TOR1AIP1: variants seen among roughly 807,000 people sequenced by gnomAD.
The protein encoded by TOR1AIP1 is torsin-1A-interacting protein 1.
In TOR1AIP1, 54 loss-of-function variants were observed where a neutral mutation model predicts 63.3. The observed-to-expected ratio is 0.85, with a 90% CI of 0.69 to 1.07. TOR1AIP1 has a LOEUF of 1.07. TOR1AIP1 is among the 50% of genes least tolerant of loss of function. The pLI is 0.00. For synonymous variants in TOR1AIP1, 294 were observed against 273.5 expected (o/e 1.07, Z -0.74); for missense variants, 736 against 715.0 (o/e 1.03, Z -0.33).
chr1:179,916,105 T>C (rs1477391749), intron 9 of TOR1AIP1, among the ~76,000 whole-genome samples: 2 of 152,214 alleles, frequency 1.3e-5, no homozygotes, highest in Non-Finnish European at 2.9e-5. Context: ...AACTGCTTCA[T>C]AAAGGACATT....
rs1257626470 is a variant in TOR1AIP1 at position 179,919,608 on chromosome 1, C to CA, written c.*1372dup. On this transcript the variant is annotated 3_prime_UTR_variant, in exon 10 of 10. Transcript: ENST00000606911. ...TCTATAATTGAGCTTTCTCATCTGT[C>CA]AAATGCTATGGTTTTCTTAAAATGT... is the stretch of plus-strand genomic sequence containing the variant. The CA allele has an allele frequency of 6.6e-6, 1 of 152,200 alleles. No individual in the cohort carries two copies. Among genetic ancestry groups the CA allele is most frequent in the Non-Finnish European group, 1.5e-5 (1 of 68,032 alleles). The allele number at this position is 152,200 out of a possible 1,614,324, so 9.4% of individuals were successfully genotyped here.
At chr1:179,895,657 C>G (rs984245689) in intron 3 of TOR1AIP1, among the ~76,000 whole-genome samples, 1 of 152,038 alleles carries the variant, frequency 6.6e-6, no homozygotes, top group Admixed American at 6.6e-5. Context: ...CCCAGCACTT[C>G]GGGAGGCCGA....
rs1649075704 is a variant in TOR1AIP1, at chr1:179,917,958, ATCT to A, written c.1475_1477del (p.Phe492del). On this transcript the variant is annotated inframe_deletion, in exon 10 of 10. Coordinates refer to ENST00000606911, the MANE Select transcript of TOR1AIP1 (RefSeq NM_015602.4). ...GTCATTTCCCGCAGGCTCTACTTTG[ATCT>A]TCTACAAATATTGTGACCATGAAAA... The A allele has an allele frequency of 6.2e-6, 10 of 1,614,090 alleles. No homozygotes were observed. Among genetic ancestry groups the A allele is most frequent in the South Asian group, 1.1e-5 (1 of 91,092 alleles).
chr1:179,913,717 A>G, intron 8 of TOR1AIP1: 2 of 700,256 alleles, frequency 2.9e-6, no homozygotes, highest in Non-Finnish European at 5.2e-6. Flanking sequence ...TAGATACTTA[A>G]TGGGTCAAAT....
chr1:179,914,813 A>G (rs1221832602), intron 9 of TOR1AIP1, among the ~76,000 whole-genome samples: 1 of 152,022 alleles, frequency 6.6e-6, no homozygotes, highest in Non-Finnish European at 1.5e-5. Flanking sequence ...AAAAAAGAAA[A>G]TAGATTAATG....
At chr1:179,913,949 A>G in intron 8 of TOR1AIP1, 49 bp from the exon 9 acceptor site, 1 of 1,522,378 alleles carries the variant, frequency 6.6e-7, no homozygotes, top group East Asian at 2.3e-5. Flanking sequence ...TAAATACTCA[A>G]ATTATGAAGC....
intron 3 of TOR1AIP1, among the ~76,000 whole-genome samples, chr1:179,894,577 A>G (rs1027353500): frequency 2.6e-5 from 4 of 152,104 alleles, no homozygotes; most frequent in Non-Finnish European, 4.4e-5. Context: ...AATCCCAGCC[A>G]CTTGGGAGGC....
chr1:179,897,163 C>A (rs768071403), intron 3 of TOR1AIP1, among the ~76,000 whole-genome samples: 2 of 152,056 alleles, frequency 1.3e-5, no homozygotes, highest in Non-Finnish European at 2.9e-5. Context: ...GATCTTTAGT[C>A]ACTAGATTAA....
rs549455100 is a variant in TOR1AIP1 at position 179,896,109 on chromosome 1, A to C, written c.611-4017A>C. On this transcript the variant is annotated intron_variant, in intron 3 of 9. Transcript: ENST00000606911. ...TCCATTCTTTGCAGCTTGGGTAAAAAGGTGGAATGTTTAAAACCTTGCAGG... is the reference window on the plus strand; with the variant it reads ...TCCATTCTTTGCAGCTTGGGTAAAACGGTGGAATGTTTAAAACCTTGCAGG... 7.2e-5 allele frequency among the ~76,000 whole-genome samples: 11 copies of C among 152,270 alleles called. No individual in the cohort carries two copies. The South Asian group carries it at 2.3e-3, about 32-fold the overall frequency.
intron 8 of TOR1AIP1, chr1:179,913,518 A>G: frequency 1.4e-6 from 1 of 694,096 alleles, no homozygotes; most frequent in Non-Finnish European, 2.6e-6. Context: ...TTTATATTAA[A>G]ACACCTTATC....
intron 3 of TOR1AIP1, among the ~76,000 whole-genome samples, chr1:179,897,857 G>A (rs1418869166): frequency 1.3e-5 from 2 of 152,112 alleles, no homozygotes; most frequent in African/African-American, 2.4e-5. Flanking sequence ...CAGCACTTTG[G>A]GAGGCTGAGG....
chr1:179,882,511 C>T lies in TOR1AIP1; in HGVS notation c.9C>T (p.Gly3=). Residue 3 remains glycine (G), a synonymous_variant, in exon 1 of 10, where the codon GGC becomes GGT. Transcript: ENST00000606911. MA[G]DGRRAEAVRE... ...AAGCTACGTCAACAACTATGGCGGG[C>T]GACGGGCGGCGGGCAGAGGCGGTGC... The T allele has an allele frequency of 1.4e-6, 2 of 1,452,222 alleles. No individual in the cohort carries two copies. The highest frequency in any genetic ancestry group is 1.8e-6 in the Non-Finnish European group (2 of 1,102,438). 90.0% of individuals were successfully genotyped at this position (1,452,222 alleles called of 1,614,324 possible).
Position 179,913,986 on chromosome 1 carries a change from T to C in TOR1AIP1, c.908-12T>C. The C allele has an allele frequency of 6.2e-7, 1 of 1,611,468 alleles. No homozygotes were observed. The highest frequency in any genetic ancestry group is 8.5e-7 in the Non-Finnish European group (1 of 1,178,164). ...TAAGTTGATAGTCTTATTTTATTAC[T>C]CTCACCATTAGATGACAGCATTCTG... is the stretch of plus-strand genomic sequence containing the variant. On this transcript the variant is annotated splice_polypyrimidine_tract_variant and intron_variant, in intron 8 of 9. Coordinates refer to ENST00000606911, the MANE Select transcript of TOR1AIP1 (RefSeq NM_015602.4).
At chr1:179,905,324 TGAGCC>T (rs1178596016) in intron 6 of TOR1AIP1, among the ~76,000 whole-genome samples, 2 of 152,066 alleles carry the variant, frequency 1.3e-5, no homozygotes, top group African/African-American at 4.8e-5. Flanking sequence ...GAGCTTGCCG[TGAGCC>T]GAGATTGTGT....
Position 179,918,057 on chromosome 1 carries a change from G to A in TOR1AIP1, c.1570G>A (p.Gly524Ser). 1 of 1,614,172 alleles carries A rather than the reference G, an allele frequency of 6.2e-7. No individual in the cohort carries two copies. The highest frequency in any genetic ancestry group is 8.5e-7 in the Non-Finnish European group (1 of 1,180,034). ...GGAAGAGACACTTGGAACAAGTCTA[G>A]GCCTAAAGGAAGTTGAAGAAAAAGT... ...LEEETLGTSL[G>S]LKEVEEKVRD... Residue 524 changes from glycine to serine, a missense_variant, in exon 10 of 10, where the codon GGC (glycine) becomes AGC (serine). Coordinates refer to ENST00000606911, the MANE Select transcript of TOR1AIP1 (RefSeq NM_015602.4).
intron 3 of TOR1AIP1, 123 bp downstream of exon 3, chr1:179,889,492 T>C (rs1166515803): frequency 4.3e-6 from 3 of 701,606 alleles, no homozygotes; most frequent in Admixed American, 2.9e-5. Context: ...CATTAAAAAA[T>C]CTCCCTGTCC....
chr1:179,882,627 C>G lies in TOR1AIP1; in HGVS notation c.125C>G (p.Ala42Gly). ...CCTCAAAATGGCGGCAGCAGCGATG[C>G]GCCTGCGTACAGAACTCCTCCGTCG... ...LAPQNGGSSD[A>G]PAYRTPPSRQ... The change falls in exon 1 of 10, where the codon GCG becomes GGG. Residue 42 changes from alanine to glycine, a missense_variant. By Grantham distance (60) the Ala-to-Gly change is moderately conservative (BLOSUM62 0). This residue lies in a region of TOR1AIP1 where 464 missense variants were observed against 371.0 expected (regional missense o/e 1.25). Transcript: ENST00000606911. 1 of 1,533,864 alleles carries G rather than the reference C, an allele frequency of 6.5e-7. No individual in the cohort carries two copies. The highest frequency in any genetic ancestry group is 1.3e-5 in the South Asian group (1 of 77,638).
intron 2 of TOR1AIP1, among the ~76,000 whole-genome samples, chr1:179,888,964 A>G (rs1300768776): frequency 6.6e-6 from 1 of 152,218 alleles, no homozygotes; most frequent in Non-Finnish European, 1.5e-5. Flanking sequence ...TCAGTCACAA[A>G]TGGAATAGAT....
At chr1:179,894,268 A>T (rs1167102409) in intron 3 of TOR1AIP1, among the ~76,000 whole-genome samples, 4 of 151,562 alleles carry the variant, frequency 2.6e-5, no homozygotes, top group African/African-American at 9.7e-5. Flanking sequence ...AAAAAAAAAG[A>T]ATAAAGACGA....
Sources: allele counts gnomAD v4.1 joint callset (sites outside exome capture counted in the v4.1 genomes callset), GRCh38; gene constraint gnomAD v4.1.1; regional missense constraint gnomAD v4.1.1; transcripts MANE v1.5; gene names NCBI Gene and HGNC (gene_info 2026-07-23, HGNC 2026-07-21).